Variants in ZNF471 observed in about 807,000 individuals in gnomAD.
The protein encoded by ZNF471 is zinc finger protein 471.
Under a neutral mutation model 13.7 loss-of-function variants are expected in ZNF471, and 7 were observed. The observed-to-expected ratio is 0.51, with a 90% CI of 0.29 to 0.96. The LOEUF is 0.96. ZNF471 is among the 40% of genes least tolerant of loss of function. The probability of loss-of-function intolerance (pLI) is 0.08; values close to 1 mark genes in which losing one functional copy is unlikely to be tolerated. For synonymous variants in ZNF471, 218 were observed against 235.6 expected, an observed-to-expected ratio of 0.93 and a Z score of 0.68; for missense variants, 663 against 743.3, an observed-to-expected ratio of 0.89 and a Z score of 1.26.
At chr19:56,515,478 T>C (rs887119328) in intron 2 of ZNF471, among the ~76,000 whole-genome samples, 1 of 152,184 alleles carries the variant, frequency 6.6e-6, no homozygotes, top group Non-Finnish European at 1.5e-5. Context: ...TCTTCTAAAG[T>C]CCCGTACATT....
In ZNF471 at chr19:56,529,624, GCA is replaced by G. The variant is rs1245846020; in HGVS notation, c.*3679_*3680del. ...TGTTGGAAAGCAGCAAGGATAAGGT[GCA>G]CAGTCTTGCAGAGCATGTCAACAAA... is the stretch of plus-strand genomic sequence containing the variant. On this transcript the variant is annotated 3_prime_UTR_variant, in exon 5 of 5. Transcript: ENST00000308031. 1.3e-5 allele frequency: 2 copies of G among 152,244 alleles called. No homozygotes were observed. Among genetic ancestry groups the G allele is most frequent in the African/African-American group, 4.8e-5 (2 of 41,454 alleles). 9.4% of individuals were successfully genotyped at this position (152,244 alleles called of 1,614,324 possible).
rs2044087233 is a variant in ZNF471 at position 56,529,769 on chromosome 19, T to G, written c.*3821T>G. 6.6e-6 allele frequency: 1 copy of G among 152,148 alleles called. No homozygotes were observed. Among genetic ancestry groups the G allele is most frequent in the South Asian group, 2.1e-4 (1 of 4,830 alleles). 9.4% of individuals were successfully genotyped at this position (152,148 alleles called of 1,614,324 possible). A position where few individuals can be genotyped will look rare whatever the true frequency, so the allele number is the denominator to read the frequency against. Reference sequence around the variant, plus strand: ...CCCACCAACACAAACCAGCAGAAATTTTATGTGAATGTGAAGTTTGGATAA... The same window carrying G: ...CCCACCAACACAAACCAGCAGAAATGTTATGTGAATGTGAAGTTTGGATAA... On this transcript the variant is annotated 3_prime_UTR_variant, in exon 5 of 5. Transcript: ENST00000308031.
chr19:56,517,139 G>A (rs1055125602), intron 3 of ZNF471, among the ~76,000 whole-genome samples: 2 of 140,202 alleles, frequency 1.4e-5, no homozygotes, highest in African/African-American at 5.3e-5. Context: ...TTTTTCTCTC[G>A]CTCTCTTTTT....
In ZNF471 at chr19:56,525,065, T is replaced by G. The variant is rs116171807; in HGVS notation, c.998T>G (p.Phe333Cys). 1,258 of 1,613,814 alleles carry G rather than the reference T, an allele frequency of 7.8e-4. 9 individuals carry two copies. In the African/African-American group the frequency reaches 0.015, roughly 19 times the overall value. The change falls in exon 5 of 5, where the codon TTT (phenylalanine) becomes TGT (cysteine). Residue 333 changes from phenylalanine (F) to cysteine (C), a missense_variant. Physicochemically the swap from Phe to Cys is radical, Grantham distance 205. Coordinates refer to ENST00000308031, the MANE Select transcript of ZNF471 (RefSeq NM_020813.4). ...CGKAFSDGSS[F>C]ARHQRCHTGK... is the part of the protein sequence containing the mutation. ...AAAGCCTTCAGTGATGGCTCGTCTT[T>G]TGCTCGACATCAGAGATGTCACACT...
At position 56,528,839 on chromosome 19, in the gene ZNF471, A is replaced by G. The variant is rs957636135; in HGVS notation, c.*2891A>G. 3 of 152,190 alleles carry G rather than the reference A, an allele frequency of 2.0e-5. No individual in the cohort carries two copies. The highest frequency in any genetic ancestry group is 1.3e-4 in the Admixed American group (2 of 15,282). The allele number at this position is 152,190 out of a possible 1,614,324, so 9.4% of individuals were successfully genotyped here. A position where few individuals can be genotyped will look rare whatever the true frequency, so the allele number is the denominator to read the frequency against. Reference sequence around the variant, plus strand: ...AAGAGAAATTGAATAATATAGTTCTATTTCAACATGTGGGTTCACAGATTT... The same window carrying G: ...AAGAGAAATTGAATAATATAGTTCTGTTTCAACATGTGGGTTCACAGATTT... On this transcript the variant is annotated 3_prime_UTR_variant, in exon 5 of 5. Transcript: ENST00000308031.
In ZNF471 at chr19:56,508,057, A is replaced by C; in HGVS notation, c.-56+137A>C. 1 of 985,922 alleles carries C rather than the reference A, an allele frequency of 1.0e-6. No homozygotes were observed. Among genetic ancestry groups the C allele is most frequent in the Non-Finnish European group, 1.2e-6 (1 of 830,198 alleles). 61.1% of individuals were successfully genotyped at this position (985,922 alleles called of 1,614,324 possible). On this transcript the variant is annotated intron_variant, in intron 1 of 4. Coordinates refer to ENST00000308031, the MANE Select transcript of ZNF471 (RefSeq NM_020813.4). This position sits in a 1 kb window ranked among gnomAD's most constrained non-coding sequence, Gnocchi z 4.7. Reference sequence around the variant, plus strand: ...AGGACGACTACATTTCCCAGAGGCCAGCGGGGCGCGCGTACTCGAGTCTGC... The same window carrying C: ...AGGACGACTACATTTCCCAGAGGCCCGCGGGGCGCGCGTACTCGAGTCTGC...
In ZNF471 at chr19:56,516,479, A is replaced by G; in HGVS notation, c.160+78A>G. On this transcript the variant is annotated intron_variant, in intron 3 of 4. Transcript: ENST00000308031. This position sits in a 1 kb window ranked among gnomAD's most constrained non-coding sequence, Gnocchi z 4.4. ...ATATATTATTAAATTTGCTTTTATT[A>G]TATGTAGGTCAGAATGGAATTTGGG... The G allele has an allele frequency of 7.4e-7, 1 of 1,356,992 alleles. No individual in the cohort carries two copies. The highest frequency in any genetic ancestry group is 2.3e-5 in the Admixed American group (1 of 43,318). The allele number at this position is 1,356,992 out of a possible 1,614,324, so 84.1% of individuals were successfully genotyped here.
chr19:56,509,060 T>TA (rs1386136323), intron 1 of ZNF471, among the ~76,000 whole-genome samples: 3 of 152,166 alleles, frequency 2.0e-5, no homozygotes, highest in Non-Finnish European at 4.4e-5. Flanking sequence ...TCCAAAGTAT[T>TA]AAGTGTCTTT....
chr19:56,525,910 AT>A lies in ZNF471; in HGVS notation c.1846del (p.Cys616ValfsTer82). 17 of 1,577,128 alleles carry A rather than the reference AT, an allele frequency of 1.1e-5. No individual in the cohort carries two copies. Among genetic ancestry groups the A allele is most frequent in the Non-Finnish European group, 1.3e-5 (15 of 1,165,600 alleles). ...GKAFRRKLSL[I>X]CHQRSHTGEE... ...GGCGTTCAGAAGAAAGTTATCCTTA[AT>A]TTGTCATCAAAGAAGTCATACTGGA... On this transcript the variant is annotated frameshift_variant, in exon 5 of 5. Transcript: ENST00000308031. LOFTEE classifies it low-confidence loss of function (END_TRUNC).
chr19:56,518,314 G>A (rs907824225), intron 3 of ZNF471, among the ~76,000 whole-genome samples, 168 bp from the exon 4 acceptor site: 18 of 151,842 alleles, frequency 1.2e-4, no homozygotes, highest in Non-Finnish European at 2.5e-4. Context: ...TTAACTGTTA[G>A]CAGTCTTACT....
chr19:56,511,460 A>C (rs545501029), intron 1 of ZNF471, 57 bp from the exon 2 acceptor site: 2 of 1,353,398 alleles, frequency 1.5e-6, no homozygotes, highest in East Asian at 5.0e-5. Context: ...TAGGCTAGTG[A>C]TTCTGGGAGT....
At chr19:56,520,514 A>G (rs191708528) in intron 4 of ZNF471, among the ~76,000 whole-genome samples, 1 of 152,332 alleles carries the variant, frequency 6.6e-6, no homozygotes, top group East Asian at 1.9e-4. Flanking sequence ...CATTGCCTCA[A>G]TTCTTGAAGC....
rs2043761230 is a variant in ZNF471, at chr19:56,508,256, A to ATGTGT, written c.-56+336_-56+337insTGTGT. ...GTGTGTGTGTGTGTGTGTGTGTGAC[A>ATGTGT]GACCGAGAGTCCAGTGTGAGACCAG... On this transcript the variant is annotated intron_variant, in intron 1 of 4. Coordinates refer to ENST00000308031, the MANE Select transcript of ZNF471 (RefSeq NM_020813.4). The surrounding 1 kb of genome is among the most constrained non-coding windows in gnomAD (Gnocchi z 4.7). The ATGTGT allele has an allele frequency of 7.3e-6, 3 of 412,474 alleles. No homozygotes were observed. Among genetic ancestry groups the ATGTGT allele is most frequent in the East Asian group, 1.5e-4 (1 of 6,858 alleles). The allele number at this position is 412,474 out of a possible 1,614,324, so 25.6% of individuals were successfully genotyped here. A position where few individuals can be genotyped will look rare whatever the true frequency, so the allele number is the denominator to read the frequency against.
intron 1 of ZNF471, 21 bp downstream of exon 1, chr19:56,507,941 G>A (rs1600500184): frequency 1.0e-6 from 1 of 985,870 alleles, no homozygotes; most frequent in Non-Finnish European, 1.2e-6. Flanking sequence ...GGTGGTTTGG[G>A]AGTCCGAGCT....
chr19:56,508,190 A>G lies in ZNF471; in HGVS notation c.-56+270A>G, dbSNP rs1426628999. ...ATGGGGGTGTGCCTGTGTGTAAAAGATCTGTCAGAGTGTGAGGCTCCGTGA... is the reference window on the plus strand; with the variant it reads ...ATGGGGGTGTGCCTGTGTGTAAAAGGTCTGTCAGAGTGTGAGGCTCCGTGA... On this transcript the variant is annotated intron_variant, in intron 1 of 4. Coordinates refer to ENST00000308031, the MANE Select transcript of ZNF471 (RefSeq NM_020813.4). This position sits in a 1 kb window ranked among gnomAD's most constrained non-coding sequence, Gnocchi z 4.7. 2.0e-6 allele frequency: 2 copies of G among 981,930 alleles called. No individual in the cohort carries two copies. Among genetic ancestry groups the G allele is most frequent in the African/African-American group, 1.8e-5 (1 of 56,080 alleles). The allele number at this position is 981,930 out of a possible 1,614,324, so 60.8% of individuals were successfully genotyped here. A position where few individuals can be genotyped will look rare whatever the true frequency, so the allele number is the denominator to read the frequency against.
Position 56,524,877 on chromosome 19 carries a change from C to G in ZNF471, c.810C>G (p.Ala270=). The G allele has an allele frequency of 6.2e-7, 1 of 1,610,884 alleles. No homozygotes were observed. The highest frequency in any genetic ancestry group is 8.5e-7 in the Non-Finnish European group (1 of 1,178,586). The change falls in exon 5 of 5, where the codon GCC becomes GCG. Residue 270 remains alanine (A), a synonymous_variant. Coordinates refer to ENST00000308031, the MANE Select transcript of ZNF471 (RefSeq NM_020813.4). The surrounding 1 kb of genome is among the most constrained non-coding windows in gnomAD (Gnocchi z 4.8). ...KLFECKECRK[A]FKQSEHLIQH... ...TTGAATGTAAAGAATGTAGGAAAGCCTTCAAACAAAGTGAACACCTTATTC... is the reference window on the plus strand; with the variant it reads ...TTGAATGTAAAGAATGTAGGAAAGCGTTCAAACAAAGTGAACACCTTATTC...
chr19:56,522,134 C>T lies in ZNF471; in HGVS notation c.257-2190C>T, dbSNP rs141743497. Among the ~76,000 whole-genome samples, 754 of 152,228 alleles carry T rather than the reference C, an allele frequency of 5.0e-3. 1 individual carries two copies. The highest frequency in any genetic ancestry group is 0.017 in the African/African-American group (710 of 41,504). ...GTGTGCAGCAGGCTACACCATCCAT[C>T]AAGGTTTGTATAAGTACGCTCTGTA... On this transcript the variant is annotated intron_variant, in intron 4 of 4. Coordinates refer to ENST00000308031, the MANE Select transcript of ZNF471 (RefSeq NM_020813.4). This position sits in a 1 kb window ranked among gnomAD's most constrained non-coding sequence, Gnocchi z 4.1.
chr19:56,513,261 A>G (rs2043834773), intron 2 of ZNF471, among the ~76,000 whole-genome samples: 1 of 152,232 alleles, frequency 6.6e-6, no homozygotes, highest in African/African-American at 2.4e-5. Flanking sequence ...CTACTACTAT[A>G]GATGATAAAG....
At position 56,517,268 on chromosome 19, in the gene ZNF471, AT is replaced by A. The variant is rs1230697757; in HGVS notation, c.160+869del. Among the ~76,000 whole-genome samples the A allele has an allele frequency of 7.5e-4, 103 of 137,222 alleles. 1 individual carries two copies. Among genetic ancestry groups the A allele is most frequent in the Non-Finnish European group, 1.4e-3 (93 of 64,970 alleles). 90.0% of individuals were successfully genotyped at this position (137,222 alleles called of 152,430 possible). On this transcript the variant is annotated intron_variant, in intron 3 of 4. Transcript: ENST00000308031. ...CTGCCTTAGCCTCCCAAGTAGCTGG[AT>A]TACAGGCACCCACCACCACACCCAG...
Sources: allele counts gnomAD v4.1 joint callset (sites outside exome capture counted in the v4.1 genomes callset), GRCh38; gene constraint gnomAD v4.1.1; non-coding constraint Gnocchi (gnomAD v3.1); transcripts MANE v1.5; gene names NCBI Gene and HGNC (gene_info 2026-07-23, HGNC 2026-07-21).